TSPEAR: variants seen among roughly 807,000 people sequenced by gnomAD.
The protein encoded by TSPEAR is thrombospondin-type laminin G domain and EAR repeat-containing protein.
Under a neutral mutation model 71.6 loss-of-function variants are expected in TSPEAR, and 69 were observed. That is an observed-to-expected ratio of 0.96 (90% CI 0.79 to 1.18). TSPEAR has a LOEUF of 1.18. Among genes scored for constraint, TSPEAR ranks in the 50% most tolerant of loss-of-function variants. TSPEAR has a pLI of 0.00. For synonymous variants in TSPEAR, 402 were observed against 387.2 expected (o/e 1.04, Z -0.45); for missense variants, 971 against 894.9 (o/e 1.09, Z -1.09).
At position 44,592,502 on chromosome 21, in the gene TSPEAR, G is replaced by A. The variant is rs1320033359; in HGVS notation, c.83-24497C>T. On this transcript the variant is annotated intron_variant, in intron 1 of 11. Coordinates refer to ENST00000323084, the MANE Select transcript of TSPEAR (RefSeq NM_144991.3). ...GCGGCCATGCTGGGGTTGAACTGGT[G>A]GAGGGTGAGGGAGTGAGCCTGTGAG... 18 of 1,590,856 alleles carry A rather than the reference G, an allele frequency of 1.1e-5. No homozygotes were observed. In the Admixed American group the frequency reaches 1.2e-4, roughly 10 times the overall value.
At chr21:44,565,424 G>A (rs2053690110) in intron 2 of TSPEAR, among the ~76,000 whole-genome samples, 2 of 152,056 alleles carry the variant, frequency 1.3e-5, no homozygotes, top group African/African-American at 4.8e-5. Flanking sequence ...GAAAACTACA[G>A]ACCAATACCA....
At chr21:44,690,542 C>T (rs1987083435) in intron 1 of TSPEAR, 1 of 985,266 alleles carries the variant, frequency 1.0e-6, no homozygotes, top group Admixed American at 6.1e-5. Flanking sequence ...GCTACAGACT[C>T]ACAGAACAAC....
intron 2 of TSPEAR, among the ~76,000 whole-genome samples, chr21:44,565,650 T>C (rs1340870757): frequency 1.3e-5 from 2 of 152,186 alleles, no homozygotes; most frequent in African/African-American, 2.4e-5. Context: ...GAAAAAGCAG[T>C]TGATAAAATC....
intron 1 of TSPEAR, among the ~76,000 whole-genome samples, chr21:44,700,609 C>T (rs1343262739): frequency 1.4e-4 from 21 of 152,220 alleles, no homozygotes; most frequent in African/African-American, 2.9e-4. Context: ...GCCTTGGGGC[C>T]GGGCAGTGGG....
At chr21:44,517,564 C>T (rs1555913621) in intron 9 of TSPEAR, 3 of 350,208 alleles carry the variant, frequency 8.6e-6, no homozygotes, top group East Asian at 7.7e-5. Context: ...GTGACTGGCA[C>T]TGGCCCATGG....
chr21:44,539,610 G>A, intron 2 of TSPEAR: 3 of 1,613,750 alleles, frequency 1.9e-6, no homozygotes, highest in Non-Finnish European at 2.5e-6. Flanking sequence ...CAGCAGGCCT[G>A]CTGGCAGGGG....
chr21:44,608,442 G>A (rs1388924650), intron 1 of TSPEAR, among the ~76,000 whole-genome samples: 3 of 152,106 alleles, frequency 2.0e-5, no homozygotes, highest in African/African-American at 7.2e-5. Context: ...AACCAATTGG[G>A]ACTTTTGTTT....
At chr21:44,596,438 T>C (rs1007911020) in intron 1 of TSPEAR, among the ~76,000 whole-genome samples, 1 of 152,236 alleles carries the variant, frequency 6.6e-6, no homozygotes, top group African/African-American at 2.4e-5. Context: ...GGGGCCACCC[T>C]AGAGTCTGTC....
chr21:44,648,772 C>T (rs953854618), intron 1 of TSPEAR, among the ~76,000 whole-genome samples: 3 of 152,122 alleles, frequency 2.0e-5, no homozygotes, highest in East Asian at 3.9e-4. Flanking sequence ...CAGCCATGGC[C>T]GAGCACAGCT....
At position 44,671,745 on chromosome 21, in the gene TSPEAR, G is replaced by C. The variant is rs1426576228; in HGVS notation, c.82+39688C>G. 2.7e-5 allele frequency among the ~76,000 whole-genome samples: 4 copies of C among 150,014 alleles called. No individual in the cohort carries two copies. In the South Asian group the frequency reaches 8.3e-4, roughly 31 times the overall value. On this transcript the variant is annotated intron_variant, in intron 1 of 11. Transcript: ENST00000323084. ...GTCCCCAAAATTGGAAGAAGTGATT[G>C]TTATGTCAGATGTGCAGATATCAAT... is the stretch of plus-strand genomic sequence containing the variant.
chr21:44,656,070 G>A (rs1985127192), intron 1 of TSPEAR, among the ~76,000 whole-genome samples: 1 of 152,192 alleles, frequency 6.6e-6, no homozygotes, highest in South Asian at 2.1e-4. Context: ...CAAGCCGGGC[G>A]AGGCCACAAG....
Position 44,514,820 on chromosome 21 carries a change from G to A in TSPEAR, c.1567-5434C>T, listed in dbSNP as rs145776424. On this transcript the variant is annotated intron_variant, in intron 9 of 11. Coordinates refer to ENST00000323084, the MANE Select transcript of TSPEAR (RefSeq NM_144991.3). ...GGGCAGAAAGACTTTGAGGGCAGGC[G>A]GAAGAATGGGACATCAAACCACCTT... Among the ~76,000 whole-genome samples, 203 of 152,220 alleles carry A rather than the reference G, an allele frequency of 1.3e-3. 4 individuals are homozygous for A. In the East Asian group the frequency reaches 0.026, roughly 20 times the overall value.
In TSPEAR at chr21:44,546,891, G is replaced by A. The variant is rs994697395; in HGVS notation, c.304-12968C>T. On this transcript the variant is annotated intron_variant, in intron 2 of 11. Coordinates refer to ENST00000323084, the MANE Select transcript of TSPEAR (RefSeq NM_144991.3). This position sits in a 1 kb window ranked among gnomAD's most constrained non-coding sequence, Gnocchi z 4.4. ...CTACTTGGGGTTCACTGAGTGGCTTGAATGTGTAGATTGGTATGTCTTCTC... is the reference window on the plus strand; with the variant it reads ...CTACTTGGGGTTCACTGAGTGGCTTAAATGTGTAGATTGGTATGTCTTCTC... Among the ~76,000 whole-genome samples, 10 of 152,200 alleles carry A rather than the reference G, an allele frequency of 6.6e-5. No homozygotes were observed. The highest frequency in any genetic ancestry group is 5.2e-4 in the Admixed American group (8 of 15,290).
In TSPEAR at chr21:44,646,801, T is replaced by C; in HGVS notation, c.82+64632A>G. 6.2e-7 allele frequency: 1 copy of C among 1,612,756 alleles called. No homozygotes were observed. Among genetic ancestry groups the C allele is most frequent in the Non-Finnish European group, 8.5e-7 (1 of 1,179,356 alleles). On this transcript the variant is annotated intron_variant, in intron 1 of 11. Coordinates refer to ENST00000323084, the MANE Select transcript of TSPEAR (RefSeq NM_144991.3). Reference sequence around the variant, plus strand: ...GACTGTCTGCTGCAAGCCTGTGTGCTGTGTGCCTGTCTGCTGTGGGGCTGC... The same window carrying C: ...GACTGTCTGCTGCAAGCCTGTGTGCCGTGTGCCTGTCTGCTGTGGGGCTGC...
At chr21:44,574,200 T>C (rs781884239) in intron 1 of TSPEAR, 3 of 1,604,150 alleles carry the variant, frequency 1.9e-6, no homozygotes, top group Admixed American at 3.4e-5. Context: ...TTGCTGCACC[T>C]CCTCCCCCTG....
chr21:44,631,133 T>A (rs1456661356), intron 1 of TSPEAR, among the ~76,000 whole-genome samples: 1 of 150,702 alleles, frequency 6.6e-6, no homozygotes, highest in Non-Finnish European at 1.5e-5. Context: ...AGGATTGAAT[T>A]TACTCGACAA....
intron 11 of TSPEAR, among the ~76,000 whole-genome samples, chr21:44,504,374 C>G (rs1420592207): frequency 7.3e-6 from 1 of 136,738 alleles, no homozygotes; most frequent in Admixed American, 7.5e-5. Context: ...AAGCAAGTCT[C>G]TTGGAGGAAG....
chr21:44,678,058 A>C, intron 1 of TSPEAR: 1 of 703,656 alleles, frequency 1.4e-6, no homozygotes, highest in Middle Eastern at 2.6e-4. Context: ...CACAGCGGTC[A>C]CACTCGATAA....
chr21:44,557,277 T>C (rs1421138350), intron 2 of TSPEAR, among the ~76,000 whole-genome samples: 2 of 151,964 alleles, frequency 1.3e-5, no homozygotes, highest in Non-Finnish European at 2.9e-5. Flanking sequence ...AGGACAAAGG[T>C]GGTTACTCAG....
Sources: gnomAD v4.1 joint callset for allele counts (sites outside exome capture counted in the v4.1 genomes callset) on GRCh38, gnomAD v4.1.1 for gene constraint, Gnocchi (gnomAD v3.1) non-coding constraint, MANE v1.5 for transcripts, NCBI Gene and HGNC (gene_info 2026-07-23, HGNC 2026-07-21) for gene names.